Variants in DLC1 observed in about 807,000 individuals in gnomAD.
DLC1 encodes DLC1 Rho GTPase activating protein, also known as rho GTPase-activating protein 7.
Under a neutral mutation model 140.3 loss-of-function variants are expected in DLC1, and 54 were observed. The ratio of observed to expected loss-of-function variants is 0.38; its 90% CI spans 0.31 to 0.48. The LOEUF is 0.48. Ranked by LOEUF, DLC1 falls within the 20% of genes least tolerant of loss-of-function variation. DLC1 has a pLI of 0.96. For missense variants in DLC1, 2,536 were observed against 1,907.0 expected (o/e 1.33, Z -6.14); for synonymous variants, 986 against 728.1 (o/e 1.35, Z -5.70).
chr8:13,538,473 G>A (rs9325659), intron 1 of DLC1, among the ~76,000 whole-genome samples: 146,659 of 152,028 alleles, frequency 0.96, 70,959 homozygotes, highest in East Asian at 1. Context: ...CTTCGAAGAC[G>A]AGCAGATATG....
rs748657688 is a variant in DLC1, at chr8:13,499,161, T to C, written c.911A>G (p.Asn304Ser). Reference sequence around the variant, plus strand: ...TGCCTTGACCTTTGGTGGACTTTTGTTTTGATGTTGTGAAAAACCACTCTT... The same window carrying C: ...TGCCTTGACCTTTGGTGGACTTTTGCTTTGATGTTGTGAAAAACCACTCTT... ...LEKSGFSQHQ[N>S]KSPPKVKAED... Residue 304 changes from asparagine to serine, a missense_variant, in exon 2 of 18, where the codon AAC becomes AGC. Transcript: ENST00000276297. 16 of 1,614,086 alleles carry C rather than the reference T, an allele frequency of 9.9e-6. No homozygotes were observed. Among genetic ancestry groups the C allele is most frequent in the Non-Finnish European group, 1.4e-5 (16 of 1,180,024 alleles).
chr8:13,461,708 T>G (rs1799668288), intron 2 of DLC1, among the ~76,000 whole-genome samples: 1 of 152,216 alleles, frequency 6.6e-6, no homozygotes, highest in Non-Finnish European at 1.5e-5. Context: ...CCATTCCCTC[T>G]GTCTTTTCTA....
At chr8:13,307,759 A>C (rs1245053254) in intron 4 of DLC1, among the ~76,000 whole-genome samples, 1 of 152,210 alleles carries the variant, frequency 6.6e-6, no homozygotes, top group Non-Finnish European at 1.5e-5. Context: ...TGACTGCAGA[A>C]ATTCACCACA....
intron 5 of DLC1, among the ~76,000 whole-genome samples, chr8:13,215,989 G>C (rs1177558849): frequency 6.6e-6 from 1 of 152,048 alleles, no homozygotes; most frequent in Non-Finnish European, 1.5e-5. Context: ...CCCCAGAAAA[G>C]TTTCCTAGGT....
intron 4 of DLC1, among the ~76,000 whole-genome samples, chr8:13,367,866 A>G (rs1368903383): frequency 6.6e-6 from 1 of 152,198 alleles, no homozygotes; most frequent in Non-Finnish European, 1.5e-5. Context: ...AGGATGAGAT[A>G]GTAAGATTAG....
intron 5 of DLC1, among the ~76,000 whole-genome samples, chr8:13,163,694 G>T (rs888880357): frequency 6.6e-6 from 1 of 152,066 alleles, no homozygotes; most frequent in Non-Finnish European, 1.5e-5. Flanking sequence ...GCTAGATCAA[G>T]ATCTGGCCAG....
chr8:13,233,006 C>T (rs891357446), intron 5 of DLC1, among the ~76,000 whole-genome samples: 3 of 152,028 alleles, frequency 2.0e-5, no homozygotes, highest in Non-Finnish European at 4.4e-5. Flanking sequence ...CATATATTCA[C>T]ATTTGTGGCT....
At chr8:13,462,986 TA>T (rs1799742117) in intron 2 of DLC1, among the ~76,000 whole-genome samples, 1 of 152,158 alleles carries the variant, frequency 6.6e-6, no homozygotes, top group Non-Finnish European at 1.5e-5. Flanking sequence ...TAACTGGCCT[TA>T]AAACTTTGGA....
At position 13,476,380 on chromosome 8, in the gene DLC1, C is replaced by G. The variant is rs77049146; in HGVS notation, c.1023+22669G>C. Reference sequence around the variant, plus strand: ...CATAAGCAAGTGTATTTCAGTAATTCGAACATAATTTTCTTATGCCCTTAA... The same window carrying G: ...CATAAGCAAGTGTATTTCAGTAATTGGAACATAATTTTCTTATGCCCTTAA... On this transcript the variant is annotated intron_variant, in intron 2 of 17. Coordinates refer to ENST00000276297, the MANE Select transcript of DLC1 (RefSeq NM_182643.3). Among the ~76,000 whole-genome samples the G allele has an allele frequency of 1.2e-3, 175 of 151,522 alleles. 4 individuals carry two copies. The East Asian group carries it at 0.023, about 20-fold the overall frequency.
At position 13,420,835 on chromosome 8, in the gene DLC1, G is replaced by T. The variant is rs529777926; in HGVS notation, c.1024-19216C>A. Among the ~76,000 whole-genome samples the T allele has an allele frequency of 4.6e-4, 70 of 152,172 alleles. 1 individual carries two copies. Among genetic ancestry groups the T allele is most frequent in the African/African-American group, 1.6e-3 (67 of 41,530 alleles). On this transcript the variant is annotated intron_variant, in intron 2 of 17. Coordinates refer to ENST00000276297, the MANE Select transcript of DLC1 (RefSeq NM_182643.3). ...AGTGGCTCCATATAATAAATGGAGT[G>T]GCAAATACAGACTAACCTGCTTAAT...
chr8:13,327,184 A>G (rs1302268574), intron 4 of DLC1, among the ~76,000 whole-genome samples: 2 of 127,364 alleles, frequency 1.6e-5, no homozygotes, highest in Admixed American at 2.1e-4. Context: ...CATGTTAGTC[A>G]GGATGGTCTC....
intron 5 of DLC1, among the ~76,000 whole-genome samples, chr8:13,166,844 G>T (rs1399789258): frequency 6.6e-6 from 1 of 152,138 alleles, no homozygotes; most frequent in East Asian, 1.9e-4. Flanking sequence ...ACCTAGGTGG[G>T]GCCTGAGAGG....
At chr8:13,180,554 C>T (rs1337013180) in intron 5 of DLC1, among the ~76,000 whole-genome samples, 5 of 152,046 alleles carry the variant, frequency 3.3e-5, no homozygotes, top group Non-Finnish European at 7.4e-5. Context: ...GTAGAAAGAA[C>T]ACAATTTTGG....
chr8:13,459,430 A>G (rs936559352), intron 2 of DLC1, among the ~76,000 whole-genome samples: 1 of 152,220 alleles, frequency 6.6e-6, no homozygotes, highest in Non-Finnish European at 1.5e-5. Flanking sequence ...AAGTTGTGAA[A>G]GAAAGGTTTT....
chr8:13,164,780 T>C (rs1444366342), intron 5 of DLC1, among the ~76,000 whole-genome samples: 2 of 152,216 alleles, frequency 1.3e-5, no homozygotes, highest in African/African-American at 4.8e-5. Flanking sequence ...ACCCAGACAC[T>C]GTCAATGGCA....
chr8:13,565,664 A>G (rs1314629805), intron 1 of DLC1, among the ~76,000 whole-genome samples: 1 of 152,158 alleles, frequency 6.6e-6, no homozygotes, highest in Non-Finnish European at 1.5e-5. Flanking sequence ...CTAGACCTGA[A>G]TAATACCCCC....
At chr8:13,259,362 A>C (rs1041759247) in intron 5 of DLC1, among the ~76,000 whole-genome samples, 5 of 151,510 alleles carry the variant, frequency 3.3e-5, no homozygotes, top group Non-Finnish European at 5.9e-5. Flanking sequence ...TAATCACTTA[A>C]AATTTTACAC....
chr8:13,395,234 C>T (rs28444446), intron 3 of DLC1, among the ~76,000 whole-genome samples: 11,286 of 151,754 alleles, frequency 0.074, 1,412 homozygotes, highest in African/African-American at 0.26. Flanking sequence ...AATTCTCCTG[C>T]CTCAACCTCC....
chr8:13,574,615 A>G (rs1804774122), intron 1 of DLC1, among the ~76,000 whole-genome samples: 1 of 152,104 alleles, frequency 6.6e-6, no homozygotes, highest in Non-Finnish European at 1.5e-5. Flanking sequence ...TGATTATAAT[A>G]TATACATAAT....
Sources: gnomAD v4.1 joint callset for allele counts (sites outside exome capture counted in the v4.1 genomes callset) on GRCh38, gnomAD v4.1.1 for gene constraint, MANE v1.5 for transcripts, NCBI Gene and HGNC (gene_info 2026-07-23, HGNC 2026-07-21) for gene names.